The following CNTNAP2 variants were observed in gnomAD, a reference collection of about 807,000 sequenced individuals.
CNTNAP2 encodes the protein contactin associated protein 2, also known as contactin-associated protein-like 2.
In CNTNAP2, 98 loss-of-function variants were observed where a neutral mutation model predicts 155.2. The ratio of observed to expected loss-of-function variants is 0.63; its 90% CI spans 0.54 to 0.75. The LOEUF (loss-of-function observed/expected upper bound fraction) is 0.75. Among genes scored for constraint, CNTNAP2 ranks in the 30% least tolerant of loss-of-function variants. The pLI is 0.00. For missense variants in CNTNAP2, 1,727 were observed against 1,688.1 expected, an observed-to-expected ratio of 1.02 and a Z score of -0.40; for synonymous variants, 651 against 631.2, an observed-to-expected ratio of 1.03 and a Z score of -0.47.
At chr7:146,432,241 A>G (rs549262695) in intron 1 of CNTNAP2, among the ~76,000 whole-genome samples, 2 of 152,128 alleles carry the variant, frequency 1.3e-5, no homozygotes, top group Admixed American at 1.3e-4. Flanking sequence ...TTTCCTGTTA[A>G]ATAATTCTTA....
At chr7:147,861,101 G>C (rs974511505) in intron 13 of CNTNAP2, among the ~76,000 whole-genome samples, 4 of 152,138 alleles carry the variant, frequency 2.6e-5, no homozygotes, top group Admixed American at 1.3e-4. Context: ...TTCTGTTTGT[G>C]ATAAGGATTT....
chr7:147,658,735 C>A (rs1425336009), intron 13 of CNTNAP2, among the ~76,000 whole-genome samples: 1 of 152,150 alleles, frequency 6.6e-6, no homozygotes, highest in African/African-American at 2.4e-5. Flanking sequence ...GGAGCCCTTT[C>A]TCCTAGGCTG....
chr7:146,939,348 T>C (rs1796997136), intron 3 of CNTNAP2, among the ~76,000 whole-genome samples: 1 of 152,204 alleles, frequency 6.6e-6, no homozygotes, highest in Admixed American at 6.5e-5. Flanking sequence ...AACTAGCAAA[T>C]AGAGAATTCA....
intron 18 of CNTNAP2, among the ~76,000 whole-genome samples, chr7:148,185,416 C>A (rs1279002206): frequency 3.3e-5 from 5 of 152,168 alleles, no homozygotes; most frequent in African/African-American, 1.2e-4. Context: ...CATGTTGGTT[C>A]CTTGAGTATC....
At chr7:146,490,864 G>A (rs113276368) in intron 1 of CNTNAP2, among the ~76,000 whole-genome samples, 3,864 of 152,202 alleles carry the variant, frequency 0.025, 58 homozygotes, top group Middle Eastern at 0.048. Context: ...TGGGAATGTA[G>A]TACTGATAAA....
At chr7:147,389,600 T>G (rs1028420186) in intron 9 of CNTNAP2, among the ~76,000 whole-genome samples, 3 of 152,188 alleles carry the variant, frequency 2.0e-5, no homozygotes, top group African/African-American at 7.2e-5. Context: ...AAATCAAGTA[T>G]GAAGTTTTTA....
intron 16 of CNTNAP2, among the ~76,000 whole-genome samples, chr7:148,118,646 G>A (rs527813123): frequency 1.3e-5 from 2 of 152,260 alleles, no homozygotes; most frequent in South Asian, 4.2e-4. Context: ...GCATTGACCC[G>A]AGGAGCAGGG....
intron 13 of CNTNAP2, among the ~76,000 whole-genome samples, chr7:147,826,108 T>A (rs1798445804): frequency 6.6e-6 from 1 of 152,136 alleles, no homozygotes; most frequent in Non-Finnish European, 1.5e-5. Flanking sequence ...GTTTACAAGC[T>A]GGGATATAAT....
intron 4 of CNTNAP2, among the ~76,000 whole-genome samples, chr7:147,104,023 A>C (rs752668433): frequency 3.5e-4 from 53 of 152,060 alleles, no homozygotes; most frequent in Non-Finnish European, 3.8e-4. Flanking sequence ...AGCAACAAAA[A>C]AGTATTAGTG....
intron 8 of CNTNAP2, among the ~76,000 whole-genome samples, chr7:147,169,131 C>T (rs1362032417): frequency 1.3e-5 from 2 of 152,138 alleles, no homozygotes; most frequent in Non-Finnish European, 2.9e-5. Context: ...GGGCTCCAAA[C>T]ACTACATTTT....
intron 3 of CNTNAP2, among the ~76,000 whole-genome samples, chr7:146,959,406 C>T (rs963822088): frequency 1.3e-5 from 2 of 151,880 alleles, no homozygotes; most frequent in African/African-American, 4.8e-5. Flanking sequence ...CAAGATGACA[C>T]CGTAAAATTA....
At chr7:148,097,577 C>T (rs192389260) in intron 15 of CNTNAP2, among the ~76,000 whole-genome samples, 1 of 152,140 alleles carries the variant, frequency 6.6e-6, no homozygotes, top group African/African-American at 2.4e-5. Flanking sequence ...CTCTGCCTCC[C>T]GGGTTCACAC....
In CNTNAP2 at chr7:147,099,046, G is replaced by A. The variant is rs115804944; in HGVS notation, c.551-9101G>A. Reference sequence around the variant, plus strand: ...TCTGTCAGGAGGTAGAGGGGATGAGGGAACTGTGGGCAAGGTCCTTTATTG... The same window carrying A: ...TCTGTCAGGAGGTAGAGGGGATGAGAGAACTGTGGGCAAGGTCCTTTATTG... On this transcript the variant is annotated intron_variant, in intron 4 of 23. Coordinates refer to ENST00000361727, the MANE Select transcript of CNTNAP2 (RefSeq NM_014141.6). Among the ~76,000 whole-genome samples, 1,344 of 152,212 alleles carry A rather than the reference G, an allele frequency of 8.8e-3. 18 individuals are homozygous for A. The highest frequency in any genetic ancestry group is 0.03 in the African/African-American group (1,263 of 41,544).
intron 1 of CNTNAP2, among the ~76,000 whole-genome samples, chr7:146,702,647 G>A (rs185975993): frequency 7.2e-5 from 11 of 152,160 alleles, no homozygotes; most frequent in African/African-American, 1.7e-4. Flanking sequence ...CAGTAGCCAT[G>A]TGTGCCTAAT....
intron 2 of CNTNAP2, among the ~76,000 whole-genome samples, chr7:146,836,168 A>G (rs1562967529): frequency 1.3e-5 from 2 of 152,222 alleles, no homozygotes; most frequent in Admixed American, 6.5e-5. Flanking sequence ...GCAAACACAT[A>G]CACTAGATAC....
rs367930375 is a variant in CNTNAP2 at position 147,829,924 on chromosome 7, G to A, written c.2099-73641G>A. Among the ~76,000 whole-genome samples, 35 of 151,980 alleles carry A rather than the reference G, an allele frequency of 2.3e-4. No individual in the cohort carries two copies. In the East Asian group the frequency reaches 4.7e-3, roughly 20 times the overall value. On this transcript the variant is annotated intron_variant, in intron 13 of 23. Coordinates refer to ENST00000361727, the MANE Select transcript of CNTNAP2 (RefSeq NM_014141.6). The stretch of plus-strand genomic sequence containing the variant: ...ACATACAGGCTCTGGTGAATCCCAC[G>A]GAGTCCCTGTAGAAATCTCACATCT...
At chr7:147,212,148 A>G (rs1054050405) in intron 8 of CNTNAP2, among the ~76,000 whole-genome samples, 1 of 152,120 alleles carries the variant, frequency 6.6e-6, no homozygotes, top group Non-Finnish European at 1.5e-5. Flanking sequence ...TGCTGTTGGT[A>G]GGAATATAAA....
At chr7:146,824,283 A>G (rs1360500100) in intron 2 of CNTNAP2, among the ~76,000 whole-genome samples, 2 of 152,158 alleles carry the variant, frequency 1.3e-5, no homozygotes, top group African/African-American at 2.4e-5. Context: ...TATTCAGTCT[A>G]TCATTGATGG....
intron 10 of CNTNAP2, among the ~76,000 whole-genome samples, chr7:147,429,208 A>C (rs1477817364): frequency 1.3e-5 from 2 of 151,482 alleles, no homozygotes; most frequent in Non-Finnish European, 2.9e-5. Flanking sequence ...TGGTCAATGG[A>C]TATTTAGTCT....
Sources: allele counts gnomAD v4.1 joint callset (sites outside exome capture counted in the v4.1 genomes callset), GRCh38; gene constraint gnomAD v4.1.1; transcripts MANE v1.5; gene names NCBI Gene and HGNC (gene_info 2026-07-23, HGNC 2026-07-21).